The following TIAM1 variants were observed in gnomAD, a reference collection of about 807,000 sequenced individuals.
TIAM1 encodes TIAM Rac1 associated GEF 1, also known as rho guanine nucleotide exchange factor TIAM1.
In TIAM1, 65 loss-of-function variants were observed where a neutral mutation model predicts 163.5. The ratio of observed to expected loss-of-function variants is 0.40; its 90% CI spans 0.33 to 0.49. The LOEUF (loss-of-function observed/expected upper bound fraction) is 0.49, where lower values mean the gene tolerates loss of function less well. Among genes scored for constraint, TIAM1 ranks in the 20% least tolerant of loss-of-function variants. TIAM1 has a pLI of 0.77. For missense variants in TIAM1, 1,789 were observed against 2,044.7 expected (o/e 0.87, Z 2.41); for synonymous variants, 833 against 810.1 (o/e 1.03, Z -0.48).
In TIAM1 at chr21:31,395,224, T is replaced by C. The variant is rs1291617540; in HGVS notation, c.-368-55802A>G. Reference sequence around the variant, plus strand: ...CCACACTCCAGCCTGGGCAACAGAGTGAGACTCTGTCTCAAAAAAAAAAAA... The same window carrying C: ...CCACACTCCAGCCTGGGCAACAGAGCGAGACTCTGTCTCAAAAAAAAAAAA... On this transcript the variant is annotated intron_variant, in intron 2 of 28. Transcript: ENST00000286827. This position sits in a 1 kb window ranked among gnomAD's most constrained non-coding sequence, Gnocchi z 7.5. Among the ~76,000 whole-genome samples the C allele has an allele frequency of 7.8e-5, 11 of 141,676 alleles. No individual in the cohort carries two copies. Among genetic ancestry groups the C allele is most frequent in the African/African-American group, 2.8e-4 (11 of 39,232 alleles). The allele number at this position is 141,676 out of a possible 152,430, so 92.9% of individuals were successfully genotyped here.
intron 1 of TIAM1, among the ~76,000 whole-genome samples, chr21:31,545,483 T>C (rs1223359808): frequency 6.6e-6 from 1 of 152,212 alleles, no homozygotes; most frequent in East Asian, 1.9e-4. Flanking sequence ...ATCAATGCTT[T>C]GGGACATTCA....
chr21:31,511,723 C>T (rs1399435776), intron 1 of TIAM1, among the ~76,000 whole-genome samples: 1 of 152,072 alleles, frequency 6.6e-6, no homozygotes, highest in African/African-American at 2.4e-5. Flanking sequence ...TCATGTGTAA[C>T]CTTAAAATTC....
At chr21:31,147,723 A>AAATATAT (rs1180791587) in intron 19 of TIAM1, among the ~76,000 whole-genome samples, 1 of 144,330 alleles carries the variant, frequency 6.9e-6, no homozygotes, top group Non-Finnish European at 1.5e-5. Context: ...ATAATATATA[A>AAATATAT]AATATATAAT....
chr21:31,308,800 T>C (rs2146981011), intron 2 of TIAM1, among the ~76,000 whole-genome samples: 1 of 152,318 alleles, frequency 6.6e-6, no homozygotes, highest in Non-Finnish European at 1.5e-5. Context: ...AACTTGATTC[T>C]GTCAATAATG....
At chr21:31,310,814 G>A (rs1347550264) in intron 2 of TIAM1, among the ~76,000 whole-genome samples, 2 of 152,194 alleles carry the variant, frequency 1.3e-5, no homozygotes, top group Non-Finnish European at 2.9e-5. Context: ...AATGCAGGAT[G>A]AGAGAAGAAG....
chr21:31,308,671 C>T (rs1000758104), intron 2 of TIAM1, among the ~76,000 whole-genome samples: 17 of 151,860 alleles, frequency 1.1e-4, no homozygotes, highest in African/African-American at 2.9e-4. Flanking sequence ...TGGTGTGATT[C>T]GGGAAGGGGA....
intron 5 of TIAM1, among the ~76,000 whole-genome samples, chr21:31,248,552 G>T (rs1280469803): frequency 6.6e-6 from 1 of 152,094 alleles, no homozygotes; most frequent in African/African-American, 2.4e-5. Flanking sequence ...AATTCCAAAT[G>T]AAATCTTTTT....
intron 2 of TIAM1, among the ~76,000 whole-genome samples, chr21:31,333,207 G>A (rs889599080): frequency 9.2e-5 from 14 of 152,216 alleles, no homozygotes; most frequent in Admixed American, 3.3e-4. Context: ...GAGGATCTGG[G>A]TAGGTGTGGT....
At chr21:31,231,538 C>T (rs1211228639) in intron 6 of TIAM1, among the ~76,000 whole-genome samples, 1 of 152,006 alleles carries the variant, frequency 6.6e-6, no homozygotes, top group Non-Finnish European at 1.5e-5. Context: ...TTGTCTTCCA[C>T]GTAAGAAGGA....
At chr21:31,473,447 A>C (rs59937928) in intron 1 of TIAM1, among the ~76,000 whole-genome samples, 18 of 83,386 alleles carry the variant, frequency 2.2e-4, no homozygotes, top group African/African-American at 7.7e-4. Context: ...AAAAAAAAAA[A>C]AAAAAAAAAA....
intron 2 of TIAM1, among the ~76,000 whole-genome samples, chr21:31,407,957 A>T (rs868499303): frequency 2.0e-5 from 3 of 152,282 alleles, no homozygotes; most frequent in Middle Eastern, 3.4e-3. Flanking sequence ...CCTTTTAAGG[A>T]TATTTAAGGA....
At position 31,479,427 on chromosome 21, in the gene TIAM1, G is replaced by A. The variant is rs140944793; in HGVS notation, c.-421-15392C>T. ...CGGAGGGGCGGGCGGATGGACGGAC[G>A]GACGGATGAATGGAAGGATGGATGG... On this transcript the variant is annotated intron_variant, in intron 1 of 28. Coordinates refer to the TIAM1 transcript ENST00000286827. Among the ~76,000 whole-genome samples the A allele has an allele frequency of 8.4e-4, 125 of 148,432 alleles. 1 individual carries two copies. The East Asian group carries it at 0.017, about 20-fold the overall frequency.
rs562227840 is a variant in TIAM1 at position 31,489,274 on chromosome 21, G to A, written c.-421-25239C>T. Among the ~76,000 whole-genome samples the A allele has an allele frequency of 7.2e-4, 107 of 148,442 alleles. 3 individuals are homozygous for A. Among genetic ancestry groups the A allele is most frequent in the South Asian group, 3.7e-3 (17 of 4,574 alleles). ...AGTCCCAGCTACTTGGGAGGCTGAC[G>A]GAGGAGGATGGCTTGAACCCAGGAG... On this transcript the variant is annotated intron_variant, in intron 1 of 28. Coordinates refer to the TIAM1 transcript ENST00000286827.
intron 8 of TIAM1, among the ~76,000 whole-genome samples, chr21:31,218,568 C>CAA (rs112539898): frequency 0.014 from 1,897 of 138,896 alleles, 48 homozygotes; most frequent in African/African-American, 0.045. Flanking sequence ...GACTCTTTCT[C>CAA]AAAAAAAAAA....
chr21:31,551,579 C>CA (rs377002344), intron 1 of TIAM1, among the ~76,000 whole-genome samples: 74 of 151,126 alleles, frequency 4.9e-4, no homozygotes, highest in African/African-American at 1.7e-3. Flanking sequence ...ATCTCTATAG[C>CA]AAAAAATTAA....
In TIAM1 at chr21:31,492,254, A is replaced by T. The variant is rs370472770; in HGVS notation, c.-421-28219T>A. 3.9e-5 allele frequency among the ~76,000 whole-genome samples: 6 copies of T among 152,318 alleles called. No individual in the cohort carries two copies. The East Asian group carries it at 9.7e-4, about 25-fold the overall frequency. ...TAAATAAGACAGCTAAAAAGATTTT[A>T]AAAAGCTACATACCTCCCTCACAAT... On this transcript the variant is annotated intron_variant, in intron 1 of 28. Coordinates refer to the TIAM1 transcript ENST00000286827.
chr21:31,202,997 G>T lies in TIAM1; in HGVS notation c.2404C>A (p.His802Asn). ...ELICKTHQLD[H>N]SAHYLRLKFL... ...TTCAGGCGCAGGTAATGAGCAGAAT[G>T]ATCCAGTTGATGTGTCTGGGACAAA... is the stretch of plus-strand genomic sequence containing the variant. The change falls in exon 12 of 28, where the codon CAT (histidine) becomes AAT (asparagine). Residue 802 changes from histidine (H) to asparagine (N), a missense_variant. Physicochemically the swap from His to Asn is moderately conservative, Grantham distance 68. Transcript: ENST00000541036. The T allele has an allele frequency of 6.2e-7, 1 of 1,613,452 alleles. No individual in the cohort carries two copies. Among genetic ancestry groups the T allele is most frequent in the South Asian group, 1.1e-5 (1 of 91,080 alleles).
chr21:31,330,945 G>T (rs138153814), intron 2 of TIAM1, among the ~76,000 whole-genome samples: 1 of 151,310 alleles, frequency 6.6e-6, no homozygotes, highest in Non-Finnish European at 1.5e-5. Flanking sequence ...TTATAAACTC[G>T]GAAAGGTAAA....
chr21:31,542,101 A>T (rs1472330193), intron 1 of TIAM1, among the ~76,000 whole-genome samples: 1 of 152,138 alleles, frequency 6.6e-6, no homozygotes, highest in Admixed American at 6.5e-5. Context: ...CCTCCCATGA[A>T]GATCTCCTTC....
Sources: gnomAD v4.1 joint callset for allele counts (sites outside exome capture counted in the v4.1 genomes callset) on GRCh38, gnomAD v4.1.1 for gene constraint, Gnocchi (gnomAD v3.1) non-coding constraint, MANE v1.5 for transcripts, NCBI Gene and HGNC (gene_info 2026-07-23, HGNC 2026-07-21) for gene names.